UCHL5: variants seen among roughly 807,000 people sequenced by gnomAD.
UCHL5 encodes ubiquitin C-terminal hydrolase L5.
In UCHL5, 34 loss-of-function variants were observed where a neutral mutation model predicts 53.8. The observed-to-expected ratio is 0.63, with a 90% CI of 0.48 to 0.84. The LOEUF (loss-of-function observed/expected upper bound fraction) is 0.84. UCHL5 is among the 40% of genes least tolerant of loss of function. The pLI is 0.00. For missense variants in UCHL5, 290 were observed against 385.6 expected (o/e 0.75, Z 2.08); for synonymous variants, 111 against 126.3 (o/e 0.88, Z 0.81).
At chr1:193,021,899 C>G (rs1657165117) in intron 9 of UCHL5, among the ~76,000 whole-genome samples, 1 of 151,900 alleles carries the variant, frequency 6.6e-6, no homozygotes, top group African/African-American at 2.4e-5. Flanking sequence ...ATCATTTTAT[C>G]TTTTTTTAAA....
chr1:193,025,835 G>A lies in UCHL5; in HGVS notation c.630-1889C>T, dbSNP rs774587442. 1.2e-3 allele frequency among the ~76,000 whole-genome samples: 189 copies of A among 152,238 alleles called. 2 individuals are homozygous for A. Among genetic ancestry groups the A allele is most frequent in the Admixed American group, 3.5e-3 (54 of 15,294 alleles). On this transcript the variant is annotated intron_variant, in intron 7 of 10. Coordinates refer to ENST00000367454, the MANE Select transcript of UCHL5 (RefSeq NM_001199261.3). ...TATATGGGAAGGCAGAGGAACTATA[G>A]TAGTTAAAACAATTTTGAAGAGAAG... is the stretch of plus-strand genomic sequence containing the variant.
rs539960941 is a variant in UCHL5, at chr1:193,033,032, T to C, written c.247-3375A>G. On this transcript the variant is annotated intron_variant, in intron 3 of 10. Coordinates refer to ENST00000367454, the MANE Select transcript of UCHL5 (RefSeq NM_001199261.3). ...CCCAGCAATCCCATTACTGGGTATA[T>C]ACCCAAAGGATTTTAAATCATTCTA... 2.0e-4 allele frequency among the ~76,000 whole-genome samples: 31 copies of C among 152,312 alleles called. No individual in the cohort carries two copies. In the South Asian group the frequency reaches 5.6e-3, roughly 27 times the overall value.
chr1:193,023,941 C>G lies in UCHL5; in HGVS notation c.635G>C (p.Ser212Thr), dbSNP rs775430311. 8.1e-6 allele frequency: 13 copies of G among 1,600,966 alleles called. No homozygotes were observed. The highest frequency in any genetic ancestry group is 1.3e-5 in the African/African-American group (1 of 74,398). Residue 212 changes from serine (S) to threonine (T), a missense_variant, in exon 8 of 11, where the codon AGT (serine) becomes ACT (threonine). Physicochemically the swap from Ser to Thr is moderately conservative, Grantham distance 58 (BLOSUM62 1). Transcript: ENST00000367454. ...PVIEKRIQKYSEGEIRFNLMA... is the reference protein window; with the variant it reads ...PVIEKRIQKYTEGEIRFNLMA... Reference sequence around the variant, plus strand: ...TAAATTAAATCGAATTTCACCTTCACTGTACCTAGAAGAAAATTATTTAAG... The same window carrying G: ...TAAATTAAATCGAATTTCACCTTCAGTGTACCTAGAAGAAAATTATTTAAG...
At chr1:193,022,435 A>G in intron 9 of UCHL5, among the ~76,000 whole-genome samples, 1 of 152,084 alleles carries the variant, frequency 6.6e-6, no homozygotes, top group Non-Finnish European at 1.5e-5. Context: ...TGAGACGGGC[A>G]GATCACTTGA....
chr1:193,055,600 A>C (rs1025274413), intron 1 of UCHL5, among the ~76,000 whole-genome samples: 36 of 152,226 alleles, frequency 2.4e-4, no homozygotes, highest in African/African-American at 8.4e-4. Context: ...AATAATTCTT[A>C]ACAGATGTTA....
chr1:193,031,816 AC>A (rs1302934175), intron 3 of UCHL5, among the ~76,000 whole-genome samples: 1 of 152,204 alleles, frequency 6.6e-6, no homozygotes, highest in Non-Finnish European at 1.5e-5. Context: ...ATTTGAAAGA[AC>A]TGTAACTCAC....
chr1:193,033,999 T>C (rs1356952159), intron 3 of UCHL5, among the ~76,000 whole-genome samples: 1 of 152,196 alleles, frequency 6.6e-6, no homozygotes. Context: ...GGTTATTCTT[T>C]ACCTTGTTAA....
chr1:193,041,281 AT>A (rs201334299), intron 3 of UCHL5, among the ~76,000 whole-genome samples: 5 of 152,280 alleles, frequency 3.3e-5, no homozygotes, highest in South Asian at 4.1e-4. Flanking sequence ...GTATCAATAA[AT>A]TTTTTTTAAA....
At chr1:193,055,044 G>A (rs896308621) in intron 1 of UCHL5, among the ~76,000 whole-genome samples, 4 of 152,174 alleles carry the variant, frequency 2.6e-5, no homozygotes, top group South Asian at 2.1e-4. Context: ...CTGTCGGTCA[G>A]GTCATATTGA....
intron 3 of UCHL5, among the ~76,000 whole-genome samples, chr1:193,042,275 C>T (rs1477464607): frequency 6.6e-6 from 1 of 151,924 alleles, no homozygotes; most frequent in Admixed American, 6.6e-5. Context: ...AGAGGGAAGA[C>T]GAGAAGTACA....
chr1:193,056,286 C>T (rs1476518216), intron 1 of UCHL5, among the ~76,000 whole-genome samples: 2 of 152,054 alleles, frequency 1.3e-5, no homozygotes, highest in East Asian at 3.9e-4. Context: ...TAGAGTGATT[C>T]TATTGATCTT....
chr1:193,034,660 C>A (rs1662717566), intron 3 of UCHL5, among the ~76,000 whole-genome samples: 1 of 152,102 alleles, frequency 6.6e-6, no homozygotes, highest in African/African-American at 2.4e-5. Flanking sequence ...AATTAAGACA[C>A]ATTTCATTCA....
intron 1 of UCHL5, among the ~76,000 whole-genome samples, chr1:193,054,637 G>A (rs1238052201): frequency 6.6e-6 from 1 of 152,092 alleles, no homozygotes; most frequent in South Asian, 2.1e-4. Flanking sequence ...CCATTTTAGG[G>A]GCTGTAACAA....
intron 2 of UCHL5, among the ~76,000 whole-genome samples, chr1:193,050,138 G>A (rs1199835152): frequency 6.6e-6 from 1 of 152,022 alleles, no homozygotes; most frequent in Admixed American, 6.6e-5. Context: ...TAAAAAATAA[G>A]AATATAGTAA....
intron 9 of UCHL5, among the ~76,000 whole-genome samples, chr1:193,022,416 T>C (rs1473018597): frequency 2.0e-5 from 3 of 151,938 alleles, no homozygotes; most frequent in South Asian, 2.1e-4. Flanking sequence ...TCCAAGCACT[T>C]TGGGAGGCTG....
At chr1:193,024,218 G>A (rs1034304983) in intron 7 of UCHL5, among the ~76,000 whole-genome samples, 3 of 151,276 alleles carry the variant, frequency 2.0e-5, no homozygotes, top group Non-Finnish European at 4.4e-5. Flanking sequence ...CTCCAGTCTG[G>A]GCAACAGAAC....
intron 10 of UCHL5, chr1:193,020,240 G>C: frequency 6.8e-7 from 1 of 1,478,222 alleles, no homozygotes; most frequent in Non-Finnish European, 9.0e-7. Context: ...TGTATAACAT[G>C]AAACAGCTTG....
intron 10 of UCHL5, among the ~76,000 whole-genome samples, chr1:193,020,649 T>G (rs1027725380): frequency 6.6e-6 from 1 of 151,952 alleles, no homozygotes; most frequent in African/African-American, 2.4e-5. Context: ...TTTCCCTCAG[T>G]GGAATGGATA....
At position 193,022,115 on chromosome 1, in the gene UCHL5, C is replaced by G. The variant is rs138401210; in HGVS notation, c.843+811G>C. On this transcript the variant is annotated intron_variant, in intron 9 of 10. Coordinates refer to ENST00000367454, the MANE Select transcript of UCHL5 (RefSeq NM_001199261.3). ...TTTTTTCCTTCCCTATCTCCATGAA[C>G]TTGTCCCTCCCTTTTTCCCGCCTGG... Among the ~76,000 whole-genome samples, 479 of 152,046 alleles carry G rather than the reference C, an allele frequency of 3.2e-3. 1 individual carries two copies. Among genetic ancestry groups the G allele is most frequent in the African/African-American group, 9.1e-3 (378 of 41,454 alleles).
Sources: allele counts gnomAD v4.1 joint callset (sites outside exome capture counted in the v4.1 genomes callset), GRCh38; gene constraint gnomAD v4.1.1; transcripts MANE v1.5; gene names NCBI Gene and HGNC (gene_info 2026-07-23, HGNC 2026-07-21).